PYY: variants seen among roughly 807,000 people sequenced by gnomAD.
PYY encodes peptide tyrosine tyrosine.
A neutral mutation model predicts 10.3 loss-of-function variants in PYY; 12 were observed. That is an observed-to-expected ratio of 1.17 (90% CI 0.75 to 1.89). PYY has a LOEUF of 1.89. PYY is among the 40% of genes most tolerant of loss of function. The pLI, the probability that PYY is intolerant of heterozygous loss-of-function variation, is 0.00. For synonymous variants in PYY, 66 were observed against 62.0 expected (o/e 1.06, Z -0.30); for missense variants, 141 against 134.0 (o/e 1.05, Z -0.26).
At chr17:43,963,628 G>GAAA (rs2048734234) in intron 2 of PYY, among the ~76,000 whole-genome samples, 1 of 126,100 alleles carries the variant, frequency 7.9e-6, no homozygotes, top group African/African-American at 2.9e-5. Flanking sequence ...GAAAGAAAGA[G>GAAA]AAAGAAAGAA....
intron 1 of PYY, among the ~76,000 whole-genome samples, chr17:43,967,879 G>A (rs1326200651): frequency 6.6e-6 from 1 of 152,138 alleles, no homozygotes; most frequent in Non-Finnish European, 1.5e-5. Context: ...ATGGGCACTG[G>A]GGCTACGAGA....
intron 1 of PYY, among the ~76,000 whole-genome samples, chr17:43,974,555 G>A (rs975940770): frequency 3.3e-5 from 5 of 152,196 alleles, no homozygotes; most frequent in African/African-American, 1.2e-4. Context: ...AAAAGTGCCC[G>A]TAAAGGGTTA....
chr17:43,976,424 C>CCT (rs1555618305), intron 1 of PYY, among the ~76,000 whole-genome samples: 4 of 126,108 alleles, frequency 3.2e-5, no homozygotes, highest in African/African-American at 1.2e-4. Context: ...TATACATATA[C>CCT]ATATATACAC....
chr17:43,965,587 C>T lies in PYY; in HGVS notation c.-218+701G>A, dbSNP rs187048306. ...GGCGGATCACTTGAGGTCAGGAGTTCGAGACCAGCCTGGCCAACATGGTGA... is the reference window on the plus strand; with the variant it reads ...GGCGGATCACTTGAGGTCAGGAGTTTGAGACCAGCCTGGCCAACATGGTGA... On this transcript the variant is annotated intron_variant, in intron 2 of 6. Transcript: ENST00000360085. Among the ~76,000 whole-genome samples the T allele has an allele frequency of 2.3e-3, 345 of 151,510 alleles. 1 individual carries two copies. The highest frequency in any genetic ancestry group is 0.011 in the East Asian group (57 of 5,144).
At chr17:43,956,187 C>G (rs1181852283), upstream of PYY, among the ~76,000 whole-genome samples, 1 of 151,998 alleles carries the variant, frequency 6.6e-6, no homozygotes, top group Non-Finnish European at 1.5e-5. Context: ...GAAGTCACTT[C>G]CTCATTTATA....
chr17:43,972,502 C>A (rs1379995790), intron 1 of PYY, among the ~76,000 whole-genome samples: 1 of 151,124 alleles, frequency 6.6e-6, no homozygotes, highest in African/African-American at 2.4e-5. Flanking sequence ...AGGCGTGAGC[C>A]GCCACACCCG....
intron 1 of PYY, among the ~76,000 whole-genome samples, chr17:43,992,184 A>G (rs1041623817): frequency 1.3e-5 from 2 of 152,210 alleles, no homozygotes; most frequent in African/African-American, 2.4e-5. Flanking sequence ...TATCCTTCAA[A>G]AAAATATTTC....
chr17:43,976,496 G>T (rs1465428319), intron 1 of PYY, among the ~76,000 whole-genome samples: 4 of 151,656 alleles, frequency 2.6e-5, no homozygotes, highest in Admixed American at 6.6e-5. Flanking sequence ...TGCCAGCCAC[G>T]TGTGGTGGCT....
rs117656101 is a variant in PYY, at chr17:43,998,623, G to C, written c.-463+5768C>G. On this transcript the variant is annotated intron_variant, in intron 1 of 6. Coordinates refer to the PYY transcript ENST00000360085. ...TGTGTTGTCCAGGCTGCAGTACAGT[G>C]GTGCATTCATAGCTCACTGCAGCCT... Among the ~76,000 whole-genome samples, 5 of 152,214 alleles carry C rather than the reference G, an allele frequency of 3.3e-5. No individual in the cohort carries two copies. The East Asian group carries it at 9.7e-4, about 29-fold the overall frequency.
At chr17:43,999,813 CTG>C (rs2049014387) in intron 1 of PYY, among the ~76,000 whole-genome samples, 1 of 150,340 alleles carries the variant, frequency 6.7e-6, no homozygotes, top group South Asian at 2.1e-4. Context: ...TGGAAAATAA[CTG>C]TGTTTATATG....
upstream of PYY, among the ~76,000 whole-genome samples, chr17:43,957,196 CA>C (rs60997602): frequency 0.02 from 1,335 of 66,626 alleles, 10 homozygotes; most frequent in Middle Eastern, 0.051. Flanking sequence ...AAACTGTCTC[CA>C]AAAAAAAAAA....
chr17:43,958,461 C>G (rs964255611), upstream of PYY, among the ~76,000 whole-genome samples: 3 of 151,854 alleles, frequency 2.0e-5, no homozygotes, highest in Non-Finnish European at 4.4e-5. Flanking sequence ...CAGCTCACTG[C>G]AACCTCTGCC....
chr17:43,956,166 C>T (rs534167318), upstream of PYY, among the ~76,000 whole-genome samples: 11 of 152,032 alleles, frequency 7.2e-5, no homozygotes, highest in Non-Finnish European at 1.3e-4. Flanking sequence ...ATTCGGGCTA[C>T]AACCTCTGAA....
At chr17:43,965,816 A>AAAAAG (rs1555617405) in intron 2 of PYY, among the ~76,000 whole-genome samples, 8 of 142,722 alleles carry the variant, frequency 5.6e-5, no homozygotes, top group South Asian at 2.2e-4. Flanking sequence ...AAAAAAAAAA[A>AAAAAG]AGAGAGAGAA....
chr17:44,002,831 C>T (rs1296291077), intron 1 of PYY, among the ~76,000 whole-genome samples: 1 of 152,146 alleles, frequency 6.6e-6, no homozygotes, highest in Non-Finnish European at 1.5e-5. Context: ...TTGTGAAGTC[C>T]TTTGCATAGT....
chr17:43,956,029 CTG>C (rs1397711910), upstream of PYY, among the ~76,000 whole-genome samples: 1 of 152,084 alleles, frequency 6.6e-6, no homozygotes, highest in African/African-American at 2.4e-5. Context: ...ACGAAGGAAA[CTG>C]TGAGATGGCC....
Position 43,953,366 on chromosome 17 carries a change from C to T in PYY, c.118G>A (p.Ala40Thr), listed in dbSNP as rs745778728. Residue 40 changes from alanine to threonine, a missense_variant, in exon 2 of 4, where the codon GCC becomes ACC. Physicochemically the swap from Ala to Thr is moderately conservative, Grantham distance 58. Coordinates refer to ENST00000692052, the MANE Select transcript of PYY (RefSeq NM_001394028.1). Reference protein sequence around the residue: ...PIKPEAPREDASPEELNRYYA... With the variant: ...PIKPEAPREDTSPEELNRYYA... ...TAGCGGTTCAGCTCCTCCGGCGAGG[C>T]GTCTTCGCGGGGAGCCTCGGGTTTG... 6.2e-7 allele frequency: 1 copy of T among 1,612,172 alleles called. No homozygotes were observed. Among genetic ancestry groups the T allele is most frequent in the Non-Finnish European group, 8.5e-7 (1 of 1,179,298 alleles).
chr17:43,963,624 AAG>A (rs1555617149), intron 2 of PYY, among the ~76,000 whole-genome samples: 13,257 of 54,996 alleles, frequency 0.24, 1,069 homozygotes, highest in South Asian at 0.43. Flanking sequence ...GAAAGAAAGA[AAG>A]AGAAAGAAAG....
rs546676924 is a variant in PYY, at chr17:43,983,061, G to A, written c.-462-16529C>T. On this transcript the variant is annotated intron_variant, in intron 1 of 6. Coordinates refer to the PYY transcript ENST00000360085. ...AGCCTGGCCAACATGGTGAAACCCC[G>A]TCTCTACTAAAAATATAAAAATGAG... Among the ~76,000 whole-genome samples the A allele has an allele frequency of 2.1e-4, 32 of 152,070 alleles. No homozygotes were observed. The East Asian group carries it at 3.7e-3, about 17-fold the overall frequency.
Sources: gnomAD v4.1 joint callset for allele counts (sites outside exome capture counted in the v4.1 genomes callset) on GRCh38, gnomAD v4.1.1 for gene constraint, MANE v1.5 for transcripts, NCBI Gene and HGNC (gene_info 2026-07-23, HGNC 2026-07-21) for gene names.